The following CAPN7 variants were observed in gnomAD, a reference collection of about 807,000 sequenced individuals.
CAPN7 encodes the protein calpain-7.
A neutral mutation model predicts 115.2 loss-of-function variants in CAPN7; 72 were observed. The observed-to-expected ratio is 0.63, with a 90% CI of 0.52 to 0.76. CAPN7 has a LOEUF of 0.76. Among genes scored for constraint, CAPN7 ranks in the 30% least tolerant of loss-of-function variants. CAPN7 has a pLI of 0.00. For missense variants in CAPN7, 905 were observed against 971.5 expected, an observed-to-expected ratio of 0.93 and a Z score of 0.91; for synonymous variants, 344 against 322.3, an observed-to-expected ratio of 1.07 and a Z score of -0.72.
At chr3:15,210,507 G>A (rs923785910) in intron 1 of CAPN7, among the ~76,000 whole-genome samples, 5 of 151,408 alleles carry the variant, frequency 3.3e-5, no homozygotes, top group Admixed American at 3.3e-4. Flanking sequence ...AGAATCTAAG[G>A]AAGTCATATC....
At chr3:15,250,894 A>G in intron 19 of CAPN7, 37 bp from the exon 20 acceptor site, 1 of 1,342,118 alleles carries the variant, frequency 7.5e-7, no homozygotes, top group Non-Finnish European at 1.1e-6. Context: ...TTGAGAATAT[A>G]TATTAATACA....
At chr3:15,234,177 G>A (rs941694627) in intron 11 of CAPN7, among the ~76,000 whole-genome samples, 4 of 152,146 alleles carry the variant, frequency 2.6e-5, no homozygotes, top group Admixed American at 2.0e-4. Flanking sequence ...TTAGCCGGAT[G>A]TGGTGGCAGG....
chr3:15,236,544 G>A (rs1695003489), intron 12 of CAPN7, among the ~76,000 whole-genome samples: 1 of 152,218 alleles, frequency 6.6e-6, no homozygotes, highest in Admixed American at 6.5e-5. Context: ...TGGATTTACA[G>A]TCACGTGTTG....
chr3:15,206,491 G>C lies in CAPN7; in HGVS notation c.-5G>C. 1.9e-6 allele frequency: 3 copies of C among 1,544,116 alleles called. No individual in the cohort carries two copies. The highest frequency in any genetic ancestry group is 2.4e-5 in the South Asian group (2 of 83,604). ...TTCCCTGCCCCGGCGCGGGGCCACT[G>C]CGCCATGGACGCCACAGCACTGGAG... On this transcript the variant is annotated 5_prime_UTR_variant, in exon 1 of 21. Coordinates refer to ENST00000253693, the MANE Select transcript of CAPN7 (RefSeq NM_014296.3).
chr3:15,232,148 A>G (rs1469592396), intron 9 of CAPN7: 4 of 406,664 alleles, frequency 9.8e-6, no homozygotes, highest in South Asian at 7.7e-5. Context: ...CTGAAAATCC[A>G]AAACACTCCA....
At chr3:15,248,478 GGTA>G (rs1455242933) in intron 19 of CAPN7, among the ~76,000 whole-genome samples, 1 of 152,116 alleles carries the variant, frequency 6.6e-6, no homozygotes, top group Non-Finnish European at 1.5e-5. Flanking sequence ...TGCACACTAA[GGTA>G]GTAAAACTAT....
chr3:15,209,543 A>G (rs1669973808), intron 1 of CAPN7, among the ~76,000 whole-genome samples: 2 of 152,226 alleles, frequency 1.3e-5, no homozygotes, highest in Non-Finnish European at 2.9e-5. Flanking sequence ...CAAATATTAT[A>G]AACTCTGGTC....
intron 8 of CAPN7, among the ~76,000 whole-genome samples, chr3:15,229,553 CTTTTTTTCTTTTTTTTTTTT>C (rs1454934077): frequency 1.1e-5 from 1 of 88,306 alleles, no homozygotes. Flanking sequence ...ATTGGTTTTA[CTTTTTTTCTTTTTTTTTTTT>C]TTTTTTTTTT....
intron 6 of CAPN7, among the ~76,000 whole-genome samples, chr3:15,226,827 C>G (rs562363942): frequency 3.3e-5 from 5 of 151,926 alleles, no homozygotes; most frequent in African/African-American, 7.3e-5. Flanking sequence ...AAAATCCTCT[C>G]TTCTCCCAGT....
chr3:15,225,513 C>A (rs1439664489), intron 6 of CAPN7, among the ~76,000 whole-genome samples: 1 of 152,170 alleles, frequency 6.6e-6, no homozygotes, highest in Admixed American at 6.5e-5. Flanking sequence ...CATAAACAAT[C>A]AAGTTTTCAA....
chr3:15,233,744 A>C (rs1455168649), intron 10 of CAPN7, 123 bp from the exon 11 acceptor site: 5 of 639,942 alleles, frequency 7.8e-6, no homozygotes, highest in Non-Finnish European at 1.4e-5. Context: ...AGTTGAAAAC[A>C]ACTACCTTCT....
At chr3:15,233,448 A>C (rs1694808766) in intron 10 of CAPN7, among the ~76,000 whole-genome samples, 1 of 152,196 alleles carries the variant, frequency 6.6e-6, no homozygotes, top group African/African-American at 2.4e-5. Flanking sequence ...TCTATCCTTC[A>C]CATACTTTTA....
intron 12 of CAPN7, among the ~76,000 whole-genome samples, chr3:15,238,275 C>T (rs554503927): frequency 4.0e-5 from 6 of 151,580 alleles, no homozygotes; most frequent in Admixed American, 2.6e-4. Flanking sequence ...CCACCACGCC[C>T]GGCCAATTTT....
At chr3:15,206,846 C>T (rs1355098309) in intron 1 of CAPN7, among the ~76,000 whole-genome samples, 1 of 152,268 alleles carries the variant, frequency 6.6e-6, no homozygotes, top group Non-Finnish European at 1.5e-5. Context: ...TGGCAAATGC[C>T]CACCGTTGAG....
chr3:15,216,774 G>C (rs989365638), intron 2 of CAPN7, among the ~76,000 whole-genome samples: 8 of 152,134 alleles, frequency 5.3e-5, no homozygotes, highest in Admixed American at 1.3e-4. Flanking sequence ...AGCATATGAG[G>C]AGAATGCCTG....
At chr3:15,245,377 A>C in intron 16 of CAPN7, 149 bp from the exon 17 acceptor site, 1 of 708,070 alleles carries the variant, frequency 1.4e-6, no homozygotes, top group South Asian at 2.3e-5. Flanking sequence ...AAAGTTTTCA[A>C]CTGAAATTAT....
At chr3:15,210,681 A>G in intron 1 of CAPN7, 1 of 630,028 alleles carries the variant, frequency 1.6e-6, no homozygotes. Flanking sequence ...TGCAGCCTCC[A>G]CCTCCCAGGG....
At chr3:15,243,378 G>C (rs1695466575) in intron 16 of CAPN7, among the ~76,000 whole-genome samples, 1 of 152,178 alleles carries the variant, frequency 6.6e-6, no homozygotes. Context: ...GATGCAGCTA[G>C]GCTGTTGGAT....
chr3:15,237,457 G>A (rs1695060722), intron 12 of CAPN7, among the ~76,000 whole-genome samples: 1 of 152,116 alleles, frequency 6.6e-6, no homozygotes, highest in African/African-American at 2.4e-5. Flanking sequence ...AATGAGGACA[G>A]TAGGGACCTA....
Sources: gnomAD v4.1 joint callset for allele counts (sites outside exome capture counted in the v4.1 genomes callset) on GRCh38, gnomAD v4.1.1 for gene constraint, MANE v1.5 for transcripts, NCBI Gene and HGNC (gene_info 2026-07-23, HGNC 2026-07-21) for gene names.